Variants in ARSG observed in about 807,000 individuals in gnomAD.
ARSG encodes arylsulfatase G.
In ARSG, 37 loss-of-function variants were observed where a neutral mutation model predicts 50.5. That is an observed-to-expected ratio of 0.73 (90% CI 0.56 to 0.96). The LOEUF (loss-of-function observed/expected upper bound fraction) is 0.96. ARSG is among the 50% of genes least tolerant of loss of function. ARSG has a pLI of 0.00. For missense variants in ARSG, 629 were observed against 675.3 expected, an observed-to-expected ratio of 0.93 and a Z score of 0.76; for synonymous variants, 225 against 254.6, an observed-to-expected ratio of 0.88 and a Z score of 1.11.
chr17:68,327,057 C>T (rs1002851716), intron 2 of ARSG, among the ~76,000 whole-genome samples: 4 of 152,124 alleles, frequency 2.6e-5, no homozygotes, highest in Non-Finnish European at 5.9e-5. Context: ...GGCTTATCCT[C>T]CTGGAGGGTA....
At chr17:68,305,153 A>C (rs1164039721) in intron 1 of ARSG, among the ~76,000 whole-genome samples, 4 of 152,058 alleles carry the variant, frequency 2.6e-5, no homozygotes, top group Admixed American at 2.6e-4. Flanking sequence ...TAAATACATA[A>C]ATAAAATAAA....
the ARSG span, among the ~76,000 whole-genome samples, chr17:68,432,345 C>T: frequency 4.6e-5 from 7 of 152,284 alleles, no homozygotes; most frequent in African/African-American, 1.7e-4. Flanking sequence ...TAGCTTTCTC[C>T]AACTGGTGGC....
the ARSG span, among the ~76,000 whole-genome samples, chr17:68,434,782 A>G: frequency 0.34 from 51,245 of 152,080 alleles, 8,895 homozygotes; most frequent in Admixed American, 0.47. Context: ...TATGTGCCAT[A>G]TCAACAATTC....
chr17:68,439,544 TGTG>T, the ARSG span, among the ~76,000 whole-genome samples: 2 of 152,178 alleles, frequency 1.3e-5, no homozygotes, highest in African/African-American at 2.4e-5. Context: ...TAAAATTAAT[TGTG>T]GTGATGGTTA....
chr17:68,349,929 A>C (rs1254901674), intron 4 of ARSG, among the ~76,000 whole-genome samples: 2 of 152,186 alleles, frequency 1.3e-5, no homozygotes, highest in African/African-American at 4.8e-5. Flanking sequence ...TTCTACATAC[A>C]CCACATATTG....
At chr17:68,303,797 A>G (rs1432074251) in intron 1 of ARSG, among the ~76,000 whole-genome samples, 1 of 152,178 alleles carries the variant, frequency 6.6e-6, no homozygotes, top group Non-Finnish European at 1.5e-5. Flanking sequence ...TTAGATCTTA[A>G]TCAAAGTCTG....
intron 7 of ARSG, among the ~76,000 whole-genome samples, chr17:68,369,912 T>C (rs975114654): frequency 2.6e-5 from 4 of 152,144 alleles, no homozygotes; most frequent in Non-Finnish European, 5.9e-5. Context: ...TGGGACTGGG[T>C]TGGGGCAGGA....
intron 2 of ARSG, among the ~76,000 whole-genome samples, chr17:68,327,058 C>T (rs1410633591): frequency 2.6e-5 from 4 of 152,160 alleles, no homozygotes; most frequent in African/African-American, 9.7e-5. Context: ...GCTTATCCTC[C>T]TGGAGGGTAA....
intron 1 of ARSG, chr17:68,268,174 G>A (rs543960474): frequency 7.2e-5 from 11 of 152,448 alleles, no homozygotes; most frequent in African/African-American, 2.6e-4. Context: ...GCATTTAAAG[G>A]ATTGCAGAAA....
intron 9 of ARSG, among the ~76,000 whole-genome samples, chr17:68,387,201 T>C (rs1380091460): frequency 6.6e-6 from 1 of 152,008 alleles, no homozygotes; most frequent in Non-Finnish European, 1.5e-5. Flanking sequence ...AGATCATAGC[T>C]CACTGCAGCC....
At chr17:68,439,698 T>C in the ARSG span, among the ~76,000 whole-genome samples, 3 of 152,356 alleles carry the variant, frequency 2.0e-5, no homozygotes, top group South Asian at 6.2e-4. Context: ...TGGTTAGAGA[T>C]AGGCTGAGGA....
intron 6 of ARSG, among the ~76,000 whole-genome samples, chr17:68,362,813 A>T (rs550826920): frequency 2.6e-5 from 4 of 152,064 alleles, no homozygotes; most frequent in Admixed American, 1.3e-4. Flanking sequence ...CATCTTATTT[A>T]TATTTTAGTT....
intron 1 of ARSG, among the ~76,000 whole-genome samples, chr17:68,275,232 T>C (rs2075475650): frequency 6.6e-6 from 1 of 152,218 alleles, no homozygotes; most frequent in African/African-American, 2.4e-5. Flanking sequence ...GGCAAATTAG[T>C]TTCCTAGTTA....
chr17:68,276,242 C>G (rs1348613231), intron 1 of ARSG, among the ~76,000 whole-genome samples: 2 of 149,566 alleles, frequency 1.3e-5, no homozygotes, highest in Non-Finnish European at 3.0e-5. Context: ...TACAGGTGCC[C>G]ACCACCACAC....
Position 68,273,940 on chromosome 17 carries a change from G to A in ARSG, c.-552+14514G>A, listed in dbSNP as rs149777270. The A allele has an allele frequency of 3.5e-4, 562 of 1,614,056 alleles. 3 individuals carry two copies. The highest frequency in any genetic ancestry group is 7.9e-4 in the African/African-American group (59 of 75,038). On this transcript the variant is annotated intron_variant, in intron 1 of 11. Transcript: ENST00000448504. ...AGGAACACTTACCAGAGATGATGCCGATGGCGACGTACATATGAGAAACCT... is the reference window on the plus strand; with the variant it reads ...AGGAACACTTACCAGAGATGATGCCAATGGCGACGTACATATGAGAAACCT...
chr17:68,425,513 AC>A (rs753698121), downstream of ARSG, among the ~76,000 whole-genome samples: 10 of 149,470 alleles, frequency 6.7e-5, no homozygotes, highest in Non-Finnish European at 1.3e-4. Context: ...GAGCCACCGC[AC>A]CCGGCCACTT....
At chr17:68,404,477 T>C (rs1388679391) in intron 11 of ARSG, among the ~76,000 whole-genome samples, 1 of 152,228 alleles carries the variant, frequency 6.6e-6, no homozygotes, top group Non-Finnish European at 1.5e-5. Context: ...ATTCTTTTTC[T>C]TTTTCCATTG....
intron 4 of ARSG, among the ~76,000 whole-genome samples, chr17:68,350,657 T>C (rs947262205): frequency 1.1e-4 from 16 of 152,020 alleles, no homozygotes; most frequent in Non-Finnish European, 1.8e-4. Context: ...TGGTGGCACG[T>C]GCCTGTAGTC....
At chr17:68,333,622 C>G (rs987540650) in intron 2 of ARSG, among the ~76,000 whole-genome samples, 1 of 140,852 alleles carries the variant, frequency 7.1e-6, no homozygotes, top group Admixed American at 7.6e-5. Flanking sequence ...GGGCAAAACT[C>G]TGTCTCAAAA....
Sources: allele counts gnomAD v4.1 joint callset (sites outside exome capture counted in the v4.1 genomes callset), GRCh38; gene constraint gnomAD v4.1.1; transcripts MANE v1.5; gene names NCBI Gene and HGNC (gene_info 2026-07-23, HGNC 2026-07-21).